MTCL2: variants seen among roughly 807,000 people sequenced by gnomAD.
MTCL2 encodes the protein microtubule crosslinking factor 2, also known as microtubule cross-linking factor 2.
the MTCL2 span, among the ~76,000 whole-genome samples, chr20:36,830,151 T>C: frequency 6.6e-6 from 1 of 152,018 alleles, no homozygotes; most frequent in Non-Finnish European, 1.5e-5. Flanking sequence ...CTCTTCACAC[T>C]TCCAAAGCCT....
the MTCL2 span, among the ~76,000 whole-genome samples, chr20:36,845,209 C>A: frequency 6.6e-6 from 1 of 152,184 alleles, no homozygotes; most frequent in Non-Finnish European, 1.5e-5. Flanking sequence ...GGTGAGCCCC[C>A]CAAGGGATTC....
chr20:36,841,859 G>A, the MTCL2 span, among the ~76,000 whole-genome samples: 1 of 137,630 alleles, frequency 7.3e-6, no homozygotes, highest in African/African-American at 2.8e-5. Flanking sequence ...ACCCCACATC[G>A]GGGGTGGGGG....
chr20:36,849,797 C>T, the MTCL2 span, among the ~76,000 whole-genome samples: 1 of 152,222 alleles, frequency 6.6e-6, no homozygotes, highest in Non-Finnish European at 1.5e-5. Flanking sequence ...TTGCACGTGG[C>T]TCCAGATGCA....
the MTCL2 span, among the ~76,000 whole-genome samples, chr20:36,827,026 A>C: frequency 1.4e-3 from 192 of 135,446 alleles, no homozygotes; most frequent in Middle Eastern, 0.011. Context: ...ATCCTGCTTT[A>C]TTTATTTATT....
chr20:36,793,752 G>T, the MTCL2 span: 1 of 1,541,768 alleles, frequency 6.5e-7, no homozygotes, highest in East Asian at 2.4e-5. This position sits in a 1 kb window ranked among gnomAD's most constrained non-coding sequence, Gnocchi z 6.8. Context: ...CGCCTCTGGA[G>T]CTTTGGTGAG....
the MTCL2 span, chr20:36,816,149 T>A: frequency 6.2e-7 from 1 of 1,613,762 alleles, no homozygotes. Context: ...GCTCCTCGGC[T>A]GACAGCGCGC....
chr20:36,785,603 C>T, the MTCL2 span: 1 of 985,398 alleles, frequency 1.0e-6, no homozygotes, highest in Non-Finnish European at 1.2e-6. Flanking sequence ...CCTGCTGCCT[C>T]TCAGGGTGCC....
the MTCL2 span, chr20:36,802,998 C>T: frequency 6.3e-7 from 1 of 1,596,944 alleles, no homozygotes; most frequent in African/African-American, 1.3e-5. Context: ...CATGACAGCG[C>T]TGTAGGACTC....
the MTCL2 span, among the ~76,000 whole-genome samples, chr20:36,826,503 T>C: frequency 6.9e-6 from 1 of 145,922 alleles, no homozygotes; most frequent in African/African-American, 2.5e-5. Context: ...TCAACCTCCC[T>C]AGTAGCTGGG....
the MTCL2 span, chr20:36,815,441 G>A: frequency 6.2e-7 from 1 of 1,611,008 alleles, no homozygotes; most frequent in Non-Finnish European, 8.5e-7. This position sits in a 1 kb window ranked among gnomAD's most constrained non-coding sequence, Gnocchi z 5.3. Flanking sequence ...CCAGGACATC[G>A]ATGGCCTTAC....
At chr20:36,833,815 G>A in the MTCL2 span, among the ~76,000 whole-genome samples, 17 of 151,940 alleles carry the variant, frequency 1.1e-4, no homozygotes, top group African/African-American at 3.6e-4. Context: ...ATCAGCCACC[G>A]TACTGCAGCC....
the MTCL2 span, among the ~76,000 whole-genome samples, chr20:36,841,604 G>A: frequency 2.0e-5 from 3 of 152,164 alleles, no homozygotes; most frequent in African/African-American, 4.8e-5. Context: ...AAGGAGGCCA[G>A]GGCAGCTACT....
chr20:36,852,792 C>G, the MTCL2 span, among the ~76,000 whole-genome samples: 1 of 152,142 alleles, frequency 6.6e-6, no homozygotes, highest in African/African-American at 2.4e-5. Context: ...CATGGTGGCT[C>G]ACACCTGTAA....
At chr20:36,795,811 G>A in the MTCL2 span, among the ~76,000 whole-genome samples, 67 of 151,686 alleles carry the variant, frequency 4.4e-4, 1 homozygote, top group African/African-American at 1.5e-3. Flanking sequence ...CAAAACACAC[G>A]CCCAAACCGA....
At chr20:36,796,733 G>A in the MTCL2 span, 36 of 701,016 alleles carry the variant, frequency 5.1e-5, no homozygotes, top group East Asian at 7.8e-4. Flanking sequence ...ACTTGGATGC[G>A]GTGGGGTGGC....
the MTCL2 span, chr20:36,785,587 G>GT: frequency 7.1e-6 from 7 of 985,282 alleles, no homozygotes; most frequent in South Asian, 3.3e-4. Context: ...CAGTGGAGAT[G>GT]TAGTGCCTGC....
At chr20:36,830,442 C>A in the MTCL2 span, among the ~76,000 whole-genome samples, 2 of 152,144 alleles carry the variant, frequency 1.3e-5, no homozygotes, top group African/African-American at 4.8e-5. Context: ...GTGGCACACA[C>A]CTACAGGCCC....
At chr20:36,837,550 T>C in the MTCL2 span, among the ~76,000 whole-genome samples, 3 of 1,238 alleles carry the variant, frequency 2.4e-3, no homozygotes, top group Non-Finnish European at 3.6e-3. Context: ...TTACCCACAT[T>C]ATTATTATTA....
chr20:36,791,300 T>C, the MTCL2 span, among the ~76,000 whole-genome samples: 1 of 152,212 alleles, frequency 6.6e-6, no homozygotes, highest in African/African-American at 2.4e-5. Context: ...CCCAAAGTGC[T>C]GGGATTACAG....
Sources: gnomAD v4.1 joint callset for allele counts (sites outside exome capture counted in the v4.1 genomes callset) on GRCh38, gnomAD v4.1.1 for gene constraint, Gnocchi (gnomAD v3.1) non-coding constraint, MANE v1.5 for transcripts, NCBI Gene and HGNC (gene_info 2026-07-23, HGNC 2026-07-21) for gene names.